The following OR10A6 variants were observed in gnomAD, a reference collection of about 807,000 sequenced individuals.
OR10A6 encodes olfactory receptor 10A6.
Under a neutral mutation model 1.5 loss-of-function variants are expected in OR10A6, and 2 were observed. The observed-to-expected ratio is 1.31, with a 90% CI of 0.54 to 4.13. The LOEUF (loss-of-function observed/expected upper bound fraction) is 4.13. Among genes scored for constraint, OR10A6 ranks in the 30% most tolerant of loss-of-function variants. The pLI, the probability that OR10A6 is intolerant of heterozygous loss-of-function variation, is 0.07. For missense variants in OR10A6, 492 were observed against 368.6 expected (o/e 1.33, Z -2.74); for synonymous variants, 169 against 137.3 (o/e 1.23, Z -1.61).
rs1369107070 is a variant in OR10A6, at chr11:7,928,295, A to C, written c.368T>G (p.Phe123Cys). The change falls in exon 4 of 4, where the codon TTT becomes TGT. Residue 123 changes from phenylalanine to cysteine, a missense_variant. Phe to Cys is a radical substitution (Grantham distance 205). Coordinates refer to ENST00000641238, the MANE Select transcript of OR10A6 (RefSeq NM_001004461.2). ...GTTGAGAGGATGGCAAATTGCAGCA[A>C]ATCGGTCATAAGCCATTGCTCCCAG... is the stretch of plus-strand genomic sequence containing the variant. Reference protein sequence around the residue: ...FLLGAMAYDRFAAICHPLNYQ... With the variant: ...FLLGAMAYDRCAAICHPLNYQ... 2 of 1,613,912 alleles carry C rather than the reference A, an allele frequency of 1.2e-6. No homozygotes were observed. Among genetic ancestry groups the C allele is most frequent in the East Asian group, 4.5e-5 (2 of 44,858 alleles).
Position 7,927,542 on chromosome 11 carries a change from A to G in OR10A6, c.*176T>C. ...TATTAAGGAATATTATGCACTGGTGAAAAAACTAAAAACATTAACATATAA... is the reference window on the plus strand; with the variant it reads ...TATTAAGGAATATTATGCACTGGTGGAAAAACTAAAAACATTAACATATAA... On this transcript the variant is annotated 3_prime_UTR_variant, in exon 4 of 4. Transcript: ENST00000641238. The G allele has an allele frequency of 1.9e-6, 1 of 526,850 alleles. No individual in the cohort carries two copies. The highest frequency in any genetic ancestry group is 3.3e-6 in the Non-Finnish European group (1 of 300,992). 32.6% of individuals were successfully genotyped at this position (526,850 alleles called of 1,614,324 possible).
chr11:7,928,009 G>A lies in OR10A6; in HGVS notation c.654C>T (p.Tyr218=). ...LVPFLLILLS[Y]IRVLFAILKM... ...TCAGGATGGCAAACAGAACTCGAAT[G>A]TAAGACAAGAGTATCAACAAGAAAG... The change falls in exon 4 of 4, where the codon TAC becomes TAT. Residue 218 remains tyrosine (Y), a synonymous_variant. Coordinates refer to ENST00000641238, the MANE Select transcript of OR10A6 (RefSeq NM_001004461.2). 1 of 1,613,982 alleles carries A rather than the reference G, an allele frequency of 6.2e-7. No individual in the cohort carries two copies. Among genetic ancestry groups the A allele is most frequent in the Non-Finnish European group, 8.5e-7 (1 of 1,179,986 alleles).
chr11:7,925,621 A>T lies in OR10A6; in HGVS notation c.*2097T>A, dbSNP rs1859381656. On this transcript the variant is annotated 3_prime_UTR_variant, in exon 4 of 4. Transcript: ENST00000641238. ...TTTACAGAATCAATGAACAAAATGA[A>T]CTAAAGAATGGCTAAAAAGACTTTC... is the stretch of plus-strand genomic sequence containing the variant. The T allele has an allele frequency of 6.6e-6, 1 of 152,240 alleles. No individual in the cohort carries two copies. The highest frequency in any genetic ancestry group is 2.4e-5 in the African/African-American group (1 of 41,458). 9.4% of individuals were successfully genotyped at this position (152,240 alleles called of 1,614,324 possible).
rs1859392771 is a variant in OR10A6, at chr11:7,926,073, A to G, written c.*1645T>C. ...TTGGTTTTTCTACACTGTCATGCCC[A>G]CCTTTGAGTGGTGTCTTCACTTTAA... On this transcript the variant is annotated 3_prime_UTR_variant, in exon 4 of 4. Coordinates refer to ENST00000641238, the MANE Select transcript of OR10A6 (RefSeq NM_001004461.2). The G allele has an allele frequency of 6.6e-6, 1 of 152,132 alleles. No individual in the cohort carries two copies. Among genetic ancestry groups the G allele is most frequent in the Non-Finnish European group, 1.5e-5 (1 of 68,044 alleles). The allele number at this position is 152,132 out of a possible 1,614,324, so 9.4% of individuals were successfully genotyped here. A position where few individuals can be genotyped will look rare whatever the true frequency, so the allele number is the denominator to read the frequency against.
chr11:7,929,264 A>G lies in OR10A6; in HGVS notation c.-602T>C, dbSNP rs1859478556. ...TCAACACAACCATATTAGGTGACCT[A>G]TAGACTATGTGAATTGGCTTCAAGC... On this transcript the variant is annotated 5_prime_UTR_variant, in exon 4 of 4. The change abolishes the stop of an existing upstream ORF in the 5' untranslated region. Transcript: ENST00000641238. 6.6e-6 allele frequency: 1 copy of G among 152,184 alleles called. No individual in the cohort carries two copies. The highest frequency in any genetic ancestry group is 1.5e-5 in the Non-Finnish European group (1 of 68,046). 9.4% of individuals were successfully genotyped at this position (152,184 alleles called of 1,614,324 possible). A position where few individuals can be genotyped will look rare whatever the true frequency, so the allele number is the denominator to read the frequency against.
Position 7,927,996 on chromosome 11 carries a change from A to G in OR10A6, c.667T>C (p.Phe223Leu). The G allele has an allele frequency of 1.2e-6, 2 of 1,613,994 alleles. No homozygotes were observed. The highest frequency in any genetic ancestry group is 8.5e-7 in the Non-Finnish European group (1 of 1,179,992). The change falls in exon 4 of 4, where the codon TTT (phenylalanine) becomes CTT (leucine). Residue 223 changes from phenylalanine to leucine, a missense_variant. By Grantham distance (22) the Phe-to-Leu change is conservative. Coordinates refer to ENST00000641238, the MANE Select transcript of OR10A6 (RefSeq NM_001004461.2). Reference sequence around the variant, plus strand: ...GTTGATGGCATCTTCAGGATGGCAAACAGAACTCGAATGTAAGACAAGAGT... The same window carrying G: ...GTTGATGGCATCTTCAGGATGGCAAGCAGAACTCGAATGTAAGACAAGAGT... ...LILLSYIRVL[F>L]AILKMPSTTG...
In OR10A6 at chr11:7,927,080, A is replaced by G. The variant is rs1354498435; in HGVS notation, c.*638T>C. ...ACACTGGAGGAATATATATTCTAAA[A>G]TAACCAGAAGATATCTAGTTTTGAA... On this transcript the variant is annotated 3_prime_UTR_variant, in exon 4 of 4. Transcript: ENST00000641238. 2 of 152,212 alleles carry G rather than the reference A, an allele frequency of 1.3e-5. No individual in the cohort carries two copies. Among genetic ancestry groups the G allele is most frequent in the Non-Finnish European group, 1.5e-5 (1 of 68,040 alleles). 9.4% of individuals were successfully genotyped at this position (152,212 alleles called of 1,614,324 possible).
At chr11:7,930,926 C>T (rs1158090361) in intron 2 of OR10A6, 37 bp from the exon 3 acceptor site, 1 of 152,192 alleles carries the variant, frequency 6.6e-6, no homozygotes, top group Admixed American at 6.6e-5. Flanking sequence ...AACTTACTAA[C>T]CAAGTTCTCT....
chr11:7,929,962 G>GTGTATATATATATATATA lies in OR10A6; in HGVS notation c.-1301_-1300insTATATATATATATATACA, dbSNP rs1433020713. 36 of 24,796 alleles carry GTGTATATATATATATATA rather than the reference G, an allele frequency of 1.5e-3. No individual in the cohort carries two copies. Among genetic ancestry groups the GTGTATATATATATATATA allele is most frequent in the African/African-American group, 4.2e-3 (24 of 5,744 alleles). The allele number at this position is 24,796 out of a possible 1,614,324, so 1.5% of individuals were successfully genotyped here. The stretch of plus-strand genomic sequence containing the variant: ...AAGCTCTAGTAAGGTATGTGTATGT[G>GTGTATATATATATATATA]TATGTATATATATATATATATATAT... On this transcript the variant is annotated 5_prime_UTR_variant, in exon 4 of 4. Transcript: ENST00000641238.
At position 7,927,712 on chromosome 11, in the gene OR10A6, A is replaced by C. The variant is rs780613239; in HGVS notation, c.*6T>G. ...TGACTAAATCTTACATGGCTTCTCA[A>C]CACAGTCAGATTGTGTGTAAAACCA... On this transcript the variant is annotated 3_prime_UTR_variant, in exon 4 of 4. Transcript: ENST00000641238. 6.3e-7 allele frequency: 1 copy of C among 1,588,234 alleles called. No homozygotes were observed. Among genetic ancestry groups the C allele is most frequent in the Non-Finnish European group, 8.6e-7 (1 of 1,157,484 alleles).
rs1368032017 is a variant in OR10A6 at position 7,928,331 on chromosome 11, T to G, written c.332A>C (p.Glu111Ala). Reference protein sequence around the residue: ...MYFILLFGGAECFLLGAMAYD... With the variant: ...MYFILLFGGAACFLLGAMAYD... ...AGCCATTGCTCCCAGAAGAAAACAT[T>G]CAGCCCCACCAAAAAGAAGGATGAA... Residue 111 changes from glutamate (E) to alanine (A), a missense_variant, in exon 4 of 4, where the codon GAA (glutamate) becomes GCA (alanine). Coordinates refer to ENST00000641238, the MANE Select transcript of OR10A6 (RefSeq NM_001004461.2). 1 of 1,613,966 alleles carries G rather than the reference T, an allele frequency of 6.2e-7. No individual in the cohort carries two copies.
chr11:7,929,996 A>ATATATATATATATATATATATATG lies in OR10A6; in HGVS notation c.-1335_-1334insCATATATATATATATATATATATA, dbSNP rs1339002367. ...TATATATATATATATATATATATAA[A>ATATATATATATATATATATATATG]ATCCCTCACTAGAGCTTAGCTCCCA... On this transcript the variant is annotated 5_prime_UTR_variant, in exon 4 of 4. Coordinates refer to ENST00000641238, the MANE Select transcript of OR10A6 (RefSeq NM_001004461.2). 658 of 79,946 alleles carry ATATATATATATATATATATATATG rather than the reference A, an allele frequency of 8.2e-3. 46 individuals carry two copies. The highest frequency in any genetic ancestry group is 0.015 in the Non-Finnish European group (519 of 33,930). The allele number at this position is 79,946 out of a possible 1,614,324, so 5.0% of individuals were successfully genotyped here.
In OR10A6 at chr11:7,927,961, T is replaced by A. The variant is rs367754317; in HGVS notation, c.702A>T (p.Arg234Ser). 16 of 1,613,728 alleles carry A rather than the reference T, an allele frequency of 9.9e-6. No homozygotes were observed. In the African/African-American group the frequency reaches 2.0e-4, roughly 20 times the overall value. The change falls in exon 4 of 4, where the codon AGA (arginine) becomes AGT (serine). Residue 234 changes from arginine (R) to serine (S), a missense_variant. Coordinates refer to ENST00000641238, the MANE Select transcript of OR10A6 (RefSeq NM_001004461.2). ...AILKMPSTTG[R>S]QKAFSTCAAH... ...CGGCACAGGTGGAAAAGGCCTTTTG[T>A]CTCCCAGTGGTTGATGGCATCTTCA...
rs1859527588 is a variant in OR10A6, at chr11:7,931,178, A to G, written c.-1910+19T>C. 6.6e-6 allele frequency: 1 copy of G among 152,202 alleles called. No homozygotes were observed. The highest frequency in any genetic ancestry group is 2.1e-4 in the South Asian group (1 of 4,830). 9.4% of individuals were successfully genotyped at this position (152,202 alleles called of 1,614,324 possible). On this transcript the variant is annotated intron_variant, in intron 1 of 3. Transcript: ENST00000641238. The stretch of plus-strand genomic sequence containing the variant: ...AAGTCCCACCAAAACGCACAGGAGC[A>G]GAATATGCACTTTTTTACCTGTTGA...
In OR10A6 at chr11:7,928,633, A is replaced by C. The variant is rs759866533; in HGVS notation, c.30T>G (p.Val10=). The C allele has an allele frequency of 1.2e-6, 2 of 1,606,342 alleles. No homozygotes were observed. Among genetic ancestry groups the C allele is most frequent in the South Asian group, 2.2e-5 (2 of 89,866 alleles). The change falls in exon 4 of 4, where the codon GTT becomes GTG. Residue 10 remains valine (V), a synonymous_variant. Transcript: ENST00000641238. Reference sequence around the variant, plus strand: ...TAGAAAAGCCCAAGAGGATGAATTCAACCACACAGCTTTGATTTTGTCTTT... The same window carrying C: ...TAGAAAAGCCCAAGAGGATGAATTCCACCACACAGCTTTGATTTTGTCTTT... MERQNQSCV[V]EFILLGFSNY... is the part of the protein sequence containing the mutation.
Position 7,925,991 on chromosome 11 carries a change from T to A in OR10A6, c.*1727A>T, listed in dbSNP as rs945235358. Reference sequence around the variant, plus strand: ...GAACTTATCTTCCCATTTCACATACTTTCCTCTGATTGTTCCCCGCTCTTC... The same window carrying A: ...GAACTTATCTTCCCATTTCACATACATTCCTCTGATTGTTCCCCGCTCTTC... On this transcript the variant is annotated 3_prime_UTR_variant, in exon 4 of 4. Coordinates refer to ENST00000641238, the MANE Select transcript of OR10A6 (RefSeq NM_001004461.2). 4 of 152,246 alleles carry A rather than the reference T, an allele frequency of 2.6e-5. No homozygotes were observed. Among genetic ancestry groups the A allele is most frequent in the Non-Finnish European group, 5.9e-5 (4 of 68,056 alleles). The allele number at this position is 152,246 out of a possible 1,614,324, so 9.4% of individuals were successfully genotyped here. A position where few individuals can be genotyped will look rare whatever the true frequency, so the allele number is the denominator to read the frequency against.
chr11:7,928,616 C>T lies in OR10A6; in HGVS notation c.47G>A (p.Gly16Asp). 6.2e-7 allele frequency: 1 copy of T among 1,606,938 alleles called. No individual in the cohort carries two copies. The highest frequency in any genetic ancestry group is 8.5e-7 in the Non-Finnish European group (1 of 1,178,084). Residue 16 changes from glycine (G) to aspartate (D), a missense_variant, in exon 4 of 4, where the codon GGC becomes GAC. Physicochemically the swap from Gly to Asp is moderately conservative, Grantham distance 94. Coordinates refer to ENST00000641238, the MANE Select transcript of OR10A6 (RefSeq NM_001004461.2). ...CTGGAGCTCAGGATAGTTAGAAAAG[C>T]CCAAGAGGATGAATTCAACCACACA... Reference protein sequence around the residue: ...QSCVVEFILLGFSNYPELQGQ... With the variant: ...QSCVVEFILLDFSNYPELQGQ...
chr11:7,928,220 GA>G lies in OR10A6; in HGVS notation c.442del (p.Ser148HisfsTer4). On this transcript the variant is annotated frameshift_variant, in exon 4 of 4. Coordinates refer to ENST00000641238, the MANE Select transcript of OR10A6 (RefSeq NM_001004461.2). LOFTEE classifies it low-confidence loss of function (END_TRUNC). ...KGVFMKLIIF[S>X]WALGFMLGTV... ...ACCTAACATAAAACCTAAGGCCCAT[GA>G]AAATATAATTAATTTCATAAAAACT... 1 of 1,611,274 alleles carries G rather than the reference GA, an allele frequency of 6.2e-7. No individual in the cohort carries two copies. The highest frequency in any genetic ancestry group is 8.5e-7 in the Non-Finnish European group (1 of 1,178,418).
chr11:7,930,133 A>C lies in OR10A6; in HGVS notation c.-1471T>G, dbSNP rs550849338. The C allele has an allele frequency of 6.6e-6, 1 of 151,462 alleles. No homozygotes were observed. The highest frequency in any genetic ancestry group is 1.5e-5 in the Non-Finnish European group (1 of 67,910). 9.4% of individuals were successfully genotyped at this position (151,462 alleles called of 1,614,324 possible). A position where few individuals can be genotyped will look rare whatever the true frequency, so the allele number is the denominator to read the frequency against. On this transcript the variant is annotated 5_prime_UTR_variant, in exon 4 of 4. Coordinates refer to ENST00000641238, the MANE Select transcript of OR10A6 (RefSeq NM_001004461.2). ...CATTTTTGAATAAATGAATTTTAAA[A>C]TAAGAAAAACCTAGACTCTATTTTT...
Sources: gnomAD v4.1 joint callset for allele counts on GRCh38, gnomAD v4.1.1 for gene constraint, MANE v1.5 for transcripts, NCBI Gene and HGNC (gene_info 2026-07-23, HGNC 2026-07-21) for gene names.